Variants in FHIT observed in about 807,000 individuals in gnomAD.
FHIT encodes the protein bis(5'-adenosyl)-triphosphatase.
FHIT carries 19 observed loss-of-function variants against 17.9 expected under a neutral mutation model. That is an observed-to-expected ratio of 1.06 (90% CI 0.74 to 1.56). The LOEUF (loss-of-function observed/expected upper bound fraction) is 1.56, where lower values mean the gene tolerates loss of function less well. FHIT is among the 40% of genes most tolerant of loss of function. The pLI is 0.00. For synonymous variants in FHIT, 81 were observed against 69.7 expected, an observed-to-expected ratio of 1.16 and a Z score of -0.81; for missense variants, 248 against 189.2, an observed-to-expected ratio of 1.31 and a Z score of -1.82.
chr3:61,031,389 T>G (rs2033002847), intron 3 of FHIT, among the ~76,000 whole-genome samples: 1 of 152,192 alleles, frequency 6.6e-6, no homozygotes, highest in South Asian at 2.1e-4. Flanking sequence ...TCCTGAGGAA[T>G]GCAAAATCAG....
chr3:61,091,215 T>C (rs2035471187), intron 2 of FHIT, among the ~76,000 whole-genome samples: 1 of 152,116 alleles, frequency 6.6e-6, no homozygotes, highest in Non-Finnish European at 1.5e-5. Flanking sequence ...AAATAAGGTA[T>C]TAAGTAAAAA....
intron 3 of FHIT, among the ~76,000 whole-genome samples, chr3:61,040,954 T>C (rs1454820233): frequency 6.6e-6 from 1 of 152,222 alleles, no homozygotes; most frequent in Non-Finnish European, 1.5e-5. Flanking sequence ...TTCTTATCCT[T>C]GGCAGCCATT....
intron 4 of FHIT, among the ~76,000 whole-genome samples, chr3:60,609,232 T>A (rs2038704206): frequency 1.3e-5 from 2 of 152,144 alleles, no homozygotes; most frequent in African/African-American, 4.8e-5. Flanking sequence ...CATAAGTATG[T>A]CCATCCAACA....
intron 7 of FHIT, among the ~76,000 whole-genome samples, chr3:59,991,226 G>T (rs1217234915): frequency 6.6e-6 from 1 of 152,066 alleles, no homozygotes; most frequent in Non-Finnish European, 1.5e-5. Flanking sequence ...GTCTGACTTT[G>T]CAAACAGAAA....
At chr3:61,246,597 A>G (rs1433861996) in intron 1 of FHIT, among the ~76,000 whole-genome samples, 1 of 152,030 alleles carries the variant, frequency 6.6e-6, no homozygotes, top group Non-Finnish European at 1.5e-5. Flanking sequence ...ACACAGGAAC[A>G]GAAAAGCAAA....
At chr3:59,800,000 A>G (rs1220072740) in intron 8 of FHIT, among the ~76,000 whole-genome samples, 18 of 152,244 alleles carry the variant, frequency 1.2e-4, no homozygotes, top group Admixed American at 1.2e-3. Context: ...TCTATTCGAC[A>G]AGAGCAGCAG....
chr3:60,937,371 G>A (rs1708233787), intron 3 of FHIT, among the ~76,000 whole-genome samples: 1 of 152,052 alleles, frequency 6.6e-6, no homozygotes, highest in African/African-American at 2.4e-5. Flanking sequence ...TTTCTCTAAT[G>A]GAGATACAAT....
chr3:60,120,692 C>T (rs1705208047), intron 5 of FHIT, among the ~76,000 whole-genome samples: 1 of 152,104 alleles, frequency 6.6e-6, no homozygotes, highest in South Asian at 2.1e-4. Context: ...ATATCATCTT[C>T]AGCAATAGGC....
At chr3:60,370,111 T>C (rs1700265335) in intron 5 of FHIT, among the ~76,000 whole-genome samples, 1 of 152,192 alleles carries the variant, frequency 6.6e-6, no homozygotes, top group East Asian at 1.9e-4. Context: ...CCTGGTGCCA[T>C]TTTACTCATA....
At chr3:59,795,905 G>T (rs533471877) in intron 8 of FHIT, among the ~76,000 whole-genome samples, 177 of 152,250 alleles carry the variant, frequency 1.2e-3, no homozygotes, top group African/African-American at 4.1e-3. Context: ...GTCCTGTGCT[G>T]CTCAGCGTTG....
At chr3:60,542,953 T>G (rs1576844818) in intron 4 of FHIT, among the ~76,000 whole-genome samples, 2 of 152,196 alleles carry the variant, frequency 1.3e-5, no homozygotes, top group African/African-American at 2.4e-5. Flanking sequence ...AACGGCTTCA[T>G]TTTTCTTTTT....
chr3:59,873,698 C>T (rs556891605), intron 8 of FHIT, among the ~76,000 whole-genome samples: 2 of 152,248 alleles, frequency 1.3e-5, no homozygotes, highest in South Asian at 4.2e-4. Context: ...CACATGCCTC[C>T]AGACAATGCC....
At chr3:60,663,827 G>A (rs892922563) in intron 4 of FHIT, among the ~76,000 whole-genome samples, 9 of 152,148 alleles carry the variant, frequency 5.9e-5, no homozygotes, top group Admixed American at 2.0e-4. Flanking sequence ...TTGTTAGCAT[G>A]TAAAAATACG....
intron 2 of FHIT, among the ~76,000 whole-genome samples, chr3:61,116,664 A>G (rs1413716326): frequency 6.6e-6 from 1 of 151,706 alleles, no homozygotes; most frequent in South Asian, 2.1e-4. Flanking sequence ...ATTTAAAGAT[A>G]AAGATGAGGA....
At chr3:60,684,019 C>G in intron 4 of FHIT, among the ~76,000 whole-genome samples, 1 of 152,108 alleles carries the variant, frequency 6.6e-6, no homozygotes, top group South Asian at 2.1e-4. Flanking sequence ...CTAGCTGATT[C>G]TATCTTACAG....
At chr3:59,865,499 C>T (rs1191109427) in intron 8 of FHIT, among the ~76,000 whole-genome samples, 2 of 152,218 alleles carry the variant, frequency 1.3e-5, no homozygotes, top group Admixed American at 1.3e-4. Flanking sequence ...GCCTTTATGT[C>T]AGATTACAGG....
At chr3:60,645,326 C>G (rs563635414) in intron 4 of FHIT, among the ~76,000 whole-genome samples, 2 of 152,278 alleles carry the variant, frequency 1.3e-5, no homozygotes, top group East Asian at 3.9e-4. Context: ...CCCCTCTTCT[C>G]CTGGCCTTCC....
intron 2 of FHIT, among the ~76,000 whole-genome samples, chr3:61,118,503 G>T (rs201004408): frequency 6.6e-6 from 1 of 152,190 alleles, no homozygotes; most frequent in East Asian, 1.9e-4. Context: ...AGAGGGAAAA[G>T]TTTCTGGCAT....
intron 5 of FHIT, among the ~76,000 whole-genome samples, chr3:60,125,505 G>A (rs758185745): frequency 5.3e-5 from 8 of 151,750 alleles, no homozygotes; most frequent in South Asian, 2.1e-4. Context: ...GGTGGTGCAT[G>A]CCTGTAATCC....
Sources: gnomAD v4.1 joint callset for allele counts (sites outside exome capture counted in the v4.1 genomes callset) on GRCh38, gnomAD v4.1.1 for gene constraint, MANE v1.5 for transcripts, NCBI Gene and HGNC (gene_info 2026-07-23, HGNC 2026-07-21) for gene names.